MED15: variants seen among roughly 807,000 people sequenced by gnomAD.
MED15 encodes mediator complex subunit 15, also known as mediator of RNA polymerase II transcription subunit 15.
MED15 carries 41 observed loss-of-function variants against 118.7 expected under a neutral mutation model. The observed-to-expected ratio is 0.35, with a 90% confidence interval of 0.27 to 0.45. The LOEUF is 0.45. MED15 is among the 20% of genes least tolerant of loss of function. The pLI is 1.00. For missense variants in MED15, 740 were observed against 1,025.5 expected, an observed-to-expected ratio of 0.72 and a Z score of 3.80; for synonymous variants, 436 against 413.9, an observed-to-expected ratio of 1.05 and a Z score of -0.65.
rs1163943049 is a variant in MED15, at chr22:20,566,199, C to T, written c.691-268C>T. Among the ~76,000 whole-genome samples the T allele has an allele frequency of 2.0e-5, 3 of 152,122 alleles. No homozygotes were observed. In the East Asian group the frequency reaches 5.8e-4, roughly 29 times the overall value. ...GGATTACAGGTGTGAGCCACCATGC[C>T]TGGCTAATTTTTGTATTATTAGTAG... On this transcript the variant is annotated intron_variant, in intron 6 of 17. Coordinates refer to ENST00000263205, the MANE Select transcript of MED15 (RefSeq NM_001003891.3).
intron 8 of MED15, among the ~76,000 whole-genome samples, chr22:20,570,850 C>CT (rs1569236810): frequency 1.5e-5 from 2 of 134,272 alleles, no homozygotes; most frequent in Non-Finnish European, 3.1e-5. Context: ...ACTGCAACCT[C>CT]TGTCTCCCAG....
intron 2 of MED15, among the ~76,000 whole-genome samples, chr22:20,542,899 A>G (rs929580499): frequency 7.2e-5 from 11 of 152,324 alleles, no homozygotes; most frequent in Admixed American, 3.9e-4. Context: ...GAGGGGATTC[A>G]TGAGTCCCAT....
rs534681266 is a variant in MED15 at position 20,519,756 on chromosome 22, GA to G, written c.68+12011del. ...AGGCGTGAGCCATTGCATCCGGCCT[GA>G]GGTTTTTATTTTGAGAATATTTCAA... is the stretch of plus-strand genomic sequence containing the variant. On this transcript the variant is annotated intron_variant, in intron 1 of 17. Transcript: ENST00000263205. Among the ~76,000 whole-genome samples the G allele has an allele frequency of 3.9e-5, 6 of 152,260 alleles. No homozygotes were observed. In the East Asian group the frequency reaches 7.7e-4, roughly 20 times the overall value.
At chr22:20,516,414 G>GT (rs1032515248) in intron 1 of MED15, among the ~76,000 whole-genome samples, 1 of 152,032 alleles carries the variant, frequency 6.6e-6, no homozygotes, top group Non-Finnish European at 1.5e-5. Flanking sequence ...ATTTGTTTTT[G>GT]TTTTTTGGAC....
At chr22:20,564,048 G>A (rs978328833) in intron 5 of MED15, among the ~76,000 whole-genome samples, 2 of 152,132 alleles carry the variant, frequency 1.3e-5, no homozygotes, top group African/African-American at 4.8e-5. Context: ...AACATGCCAC[G>A]ACATGGGCGA....
At chr22:20,581,555 G>A (rs148028858) in intron 9 of MED15, among the ~76,000 whole-genome samples, 52 of 152,256 alleles carry the variant, frequency 3.4e-4, no homozygotes, top group South Asian at 1.4e-3. Context: ...CATGCAGGGG[G>A]TTGACTAGGG....
intron 16 of MED15, 149 bp downstream of exon 16, chr22:20,585,416 C>G: frequency 9.2e-7 from 1 of 1,088,416 alleles, no homozygotes; most frequent in Non-Finnish European, 1.3e-6. Flanking sequence ...TCACACACAC[C>G]GGGCTCCAGA....
chr22:20,542,700 GTTC>G (rs746070781), intron 2 of MED15, among the ~76,000 whole-genome samples: 5 of 152,172 alleles, frequency 3.3e-5, no homozygotes, highest in African/African-American at 9.7e-5. Context: ...AATTTTGGGA[GTTC>G]TTCTTTGATT....
intron 6 of MED15, among the ~76,000 whole-genome samples, chr22:20,566,030 CTTTTTTTTTTT>C (rs555771579): frequency 8.4e-6 from 1 of 119,600 alleles, no homozygotes; most frequent in African/African-American, 3.3e-5. Flanking sequence ...CCAGGAAGGC[CTTTTTTTTTTT>C]TTTTTTTTTG....
At chr22:20,532,144 G>T (rs1271280658) in intron 1 of MED15, among the ~76,000 whole-genome samples, 4 of 152,218 alleles carry the variant, frequency 2.6e-5, no homozygotes, top group African/African-American at 9.7e-5. Context: ...GCGAGGGCGT[G>T]GGGGTAGGAA....
rs2057047968 is a variant in MED15 at position 20,583,460 on chromosome 22, T to A, written c.1736+67T>A. 3.2e-6 allele frequency: 5 copies of A among 1,577,436 alleles called. No homozygotes were observed. In the South Asian group the frequency reaches 4.4e-5, roughly 14 times the overall value. On this transcript the variant is annotated intron_variant, in intron 13 of 17. Transcript: ENST00000263205. The stretch of plus-strand genomic sequence containing the variant: ...AGATAGCCCAGCCATGGATGGGCAC[T>A]TGGTGATGATGTGGGTTTAACAAAG...
chr22:20,563,035 CA>C (rs201833043), intron 5 of MED15, among the ~76,000 whole-genome samples: 12,926 of 141,306 alleles, frequency 0.091, 842 homozygotes, highest in East Asian at 0.38. Context: ...GACCCCACCT[CA>C]AAAAAAAAAA....
chr22:20,569,528 G>A (rs375667630), intron 8 of MED15, among the ~76,000 whole-genome samples: 1 of 152,184 alleles, frequency 6.6e-6, no homozygotes, highest in Admixed American at 6.5e-5. Context: ...TGGGCGCAGC[G>A]CCTGGGTGCA....
At chr22:20,531,918 T>G (rs911588021) in intron 1 of MED15, among the ~76,000 whole-genome samples, 1 of 152,108 alleles carries the variant, frequency 6.6e-6, no homozygotes, top group African/African-American at 2.4e-5. Flanking sequence ...ACAGGCCTGA[T>G]GGGATAGTCA....
intron 9 of MED15, among the ~76,000 whole-genome samples, chr22:20,578,466 G>A (rs2056886898): frequency 6.6e-6 from 1 of 152,206 alleles, no homozygotes; most frequent in Non-Finnish European, 1.5e-5. Context: ...TCCCACACCT[G>A]GCTGTGGGCC....
At chr22:20,546,368 G>A (rs927739762) in intron 2 of MED15, among the ~76,000 whole-genome samples, 5 of 152,152 alleles carry the variant, frequency 3.3e-5, no homozygotes, top group African/African-American at 1.2e-4. Flanking sequence ...ATTCCCATAA[G>A]ACCACAATTT....
intron 1 of MED15, among the ~76,000 whole-genome samples, chr22:20,528,995 C>T (rs1206460998): frequency 1.3e-5 from 2 of 152,268 alleles, no homozygotes; most frequent in East Asian, 3.9e-4. Context: ...TGGCCTCAAC[C>T]TGGCAAAGAC....
At chr22:20,548,258 T>C (rs1321163287) in intron 2 of MED15, among the ~76,000 whole-genome samples, 1 of 151,852 alleles carries the variant, frequency 6.6e-6, no homozygotes, top group Non-Finnish European at 1.5e-5. Context: ...GCCTCCTGGG[T>C]TCAAGCAATT....
Position 20,586,997 on chromosome 22 carries a change from C to A in MED15, c.*293C>A, listed in dbSNP as rs181212514. 11 of 501,358 alleles carry A rather than the reference C, an allele frequency of 2.2e-5. No homozygotes were observed. In the South Asian group the frequency reaches 2.7e-4, roughly 12 times the overall value. The allele number at this position is 501,358 out of a possible 1,614,324, so 31.1% of individuals were successfully genotyped here. A position where few individuals can be genotyped will look rare whatever the true frequency, so the allele number is the denominator to read the frequency against. On this transcript the variant is annotated 3_prime_UTR_variant, in exon 18 of 18. Coordinates refer to ENST00000263205, the MANE Select transcript of MED15 (RefSeq NM_001003891.3). ...TCAGGCTGCTCTCACCGTGGCCTGT[C>A]CACGGTCCAGGTCCATCTCAGCAGC...
Sources: gnomAD v4.1 joint callset for allele counts (sites outside exome capture counted in the v4.1 genomes callset) on GRCh38, gnomAD v4.1.1 for gene constraint, MANE v1.5 for transcripts, NCBI Gene and HGNC (gene_info 2026-07-23, HGNC 2026-07-21) for gene names.